Variants in TAF1B observed in about 807,000 individuals in gnomAD.
TAF1B encodes the protein TATA-box binding protein associated factor, RNA polymerase I subunit B, also known as TATA box-binding protein-associated factor RNA polymerase I subunit B.
A neutral mutation model predicts 83.9 loss-of-function variants in TAF1B; 61 were observed. The observed-to-expected ratio is 0.73, with a 90% CI of 0.59 to 0.90. The LOEUF is 0.90. Ranked by LOEUF, TAF1B falls within the 40% of genes least tolerant of loss-of-function variation. TAF1B has a pLI of 0.00. For synonymous variants in TAF1B, 221 were observed against 224.6 expected (o/e 0.98, Z 0.14); for missense variants, 625 against 677.0 (o/e 0.92, Z 0.85).
chr2:9,863,617 T>G (rs1663855835), intron 5 of TAF1B, among the ~76,000 whole-genome samples: 1 of 152,102 alleles, frequency 6.6e-6, no homozygotes, highest in South Asian at 2.1e-4. Flanking sequence ...TCTATAGAAC[T>G]CTCCATCCTA....
intron 5 of TAF1B, among the ~76,000 whole-genome samples, chr2:9,864,163 G>A (rs1663881061): frequency 6.6e-6 from 1 of 152,112 alleles, no homozygotes; most frequent in Non-Finnish European, 1.5e-5. Context: ...CCAGGAGCTG[G>A]TCTTTTGAAA....
At chr2:9,911,988 C>G (rs1292517138) in intron 11 of TAF1B, among the ~76,000 whole-genome samples, 1 of 152,260 alleles carries the variant, frequency 6.6e-6, no homozygotes, top group African/African-American at 2.4e-5. Context: ...CACCACTCTT[C>G]TGTCTGGTCT....
chr2:9,863,849 T>G (rs973872926), intron 5 of TAF1B, among the ~76,000 whole-genome samples: 8 of 152,094 alleles, frequency 5.3e-5, no homozygotes, highest in Non-Finnish European at 1.2e-4. Context: ...GAATGACTAC[T>G]GGGTACATAA....
intron 10 of TAF1B, 103 bp from the exon 11 acceptor site, chr2:9,911,408 A>C: frequency 1.2e-6 from 1 of 844,416 alleles, no homozygotes; most frequent in Non-Finnish European, 1.8e-6. Context: ...ACATGGTATC[A>C]ATTTCAAATA....
At chr2:9,889,775 AT>A (rs1353754187) in intron 8 of TAF1B, among the ~76,000 whole-genome samples, 1 of 152,144 alleles carries the variant, frequency 6.6e-6, no homozygotes, top group Non-Finnish European at 1.5e-5. Context: ...GTGGTTTGTT[AT>A]TAATAGTCCC....
chr2:9,846,312 T>C, intron 2 of TAF1B: 1 of 347,106 alleles, frequency 2.9e-6, no homozygotes, highest in East Asian at 7.7e-5. Context: ...CTAGGTCCTA[T>C]TGTGGTGAAC....
Position 9,854,317 on chromosome 2 carries a change from C to G in TAF1B, c.304-9C>G. On this transcript the variant is annotated splice_polypyrimidine_tract_variant and intron_variant, in intron 4 of 14. Transcript: ENST00000263663. ...GAATCACCCACCACTCATTTCCCTT[C>G]CACCTTAGAACGATGTTTTACATAA... The G allele has an allele frequency of 6.2e-7, 1 of 1,610,938 alleles. No individual in the cohort carries two copies. Among genetic ancestry groups the G allele is most frequent in the Admixed American group, 1.7e-5 (1 of 60,014 alleles).
Position 9,904,027 on chromosome 2 carries a change from A to C in TAF1B, c.808-832A>C, listed in dbSNP as rs114276447. On this transcript the variant is annotated intron_variant, in intron 8 of 14. Coordinates refer to ENST00000263663, the MANE Select transcript of TAF1B (RefSeq NM_005680.3). ...ATTCCAAATTTTATTCAGTAAGTGC[A>C]TATTAGTTTTATCTGTTCCTTTTTC... is the stretch of plus-strand genomic sequence containing the variant. Among the ~76,000 whole-genome samples, 724 of 152,276 alleles carry C rather than the reference A, an allele frequency of 4.8e-3. 4 individuals carry two copies. Among genetic ancestry groups the C allele is most frequent in the African/African-American group, 0.016 (685 of 41,556 alleles).
At chr2:9,877,105 A>G (rs1664342746) in intron 7 of TAF1B, among the ~76,000 whole-genome samples, 1 of 152,200 alleles carries the variant, frequency 6.6e-6, no homozygotes, top group Admixed American at 6.5e-5. Context: ...CTATTAATTT[A>G]AAAACCTGAT....
rs138290155 is a variant in TAF1B at position 9,924,052 on chromosome 2, G to C, written c.1565+4232G>C. On this transcript the variant is annotated intron_variant, in intron 14 of 14. Coordinates refer to ENST00000263663, the MANE Select transcript of TAF1B (RefSeq NM_005680.3). Reference sequence around the variant, plus strand: ...TGAGTTATACATAGAGCTTAGTATAGTCAGCGATGAAACTGCTGAGATTTT... The same window carrying C: ...TGAGTTATACATAGAGCTTAGTATACTCAGCGATGAAACTGCTGAGATTTT... Among the ~76,000 whole-genome samples, 18 of 152,264 alleles carry C rather than the reference G, an allele frequency of 1.2e-4. No individual in the cohort carries two copies. In the East Asian group the frequency reaches 2.7e-3, roughly 23 times the overall value.
chr2:9,889,461 TTTCTC>T (rs1664796819), intron 8 of TAF1B, among the ~76,000 whole-genome samples: 1 of 152,136 alleles, frequency 6.6e-6, no homozygotes, highest in Non-Finnish European at 1.5e-5. Context: ...ATTTCTTCTC[TTTCTC>T]TTCTCATTAT....
At chr2:9,932,205 C>T (rs909830719) in intron 14 of TAF1B, among the ~76,000 whole-genome samples, 6 of 152,206 alleles carry the variant, frequency 3.9e-5, no homozygotes, top group South Asian at 2.1e-4. Flanking sequence ...AGCTTTGTTC[C>T]GTTGCTGGCA....
At chr2:9,919,964 T>C in intron 14 of TAF1B, 144 bp downstream of exon 14, 1 of 763,954 alleles carries the variant, frequency 1.3e-6, no homozygotes, top group Non-Finnish European at 2.1e-6. Context: ...GTAGGAGTTC[T>C]AGGAAAGCTG....
At chr2:9,877,345 T>G (rs902247532) in intron 7 of TAF1B, among the ~76,000 whole-genome samples, 8 of 152,154 alleles carry the variant, frequency 5.3e-5, no homozygotes, top group Non-Finnish European at 1.0e-4. Flanking sequence ...ATCCAGCTCC[T>G]TTTCCAGTGT....
intron 6 of TAF1B, among the ~76,000 whole-genome samples, chr2:9,874,740 T>A (rs1191524313): frequency 1.3e-5 from 2 of 152,148 alleles, no homozygotes; most frequent in African/African-American, 2.4e-5. Context: ...GATACCATAA[T>A]GTCATATGGT....
At chr2:9,866,061 G>A (rs1260226979) in intron 5 of TAF1B, among the ~76,000 whole-genome samples, 89 of 145,276 alleles carry the variant, frequency 6.1e-4, no homozygotes, top group East Asian at 1.0e-3. Context: ...AAAAGCAATG[G>A]CAACAAAAGC....
At chr2:9,858,704 C>T (rs1043076716) in intron 5 of TAF1B, among the ~76,000 whole-genome samples, 7 of 152,380 alleles carry the variant, frequency 4.6e-5, no homozygotes, top group South Asian at 2.1e-4. Context: ...CCCATCGCCA[C>T]GTGGAAGCTG....
rs747847815 is a variant in TAF1B at position 9,910,730 on chromosome 2, C to T, written c.956-6C>T. The T allele has an allele frequency of 1.2e-6, 2 of 1,603,950 alleles. No homozygotes were observed. Among genetic ancestry groups the T allele is most frequent in the East Asian group, 4.5e-5 (2 of 44,688 alleles). ...ATAATTTACATTTTACTGTTTTGTT[C>T]TTCAGATGAAATGCATAGCTTAACT... On this transcript the variant is annotated splice_polypyrimidine_tract_variant and splice_region_variant and intron_variant, in intron 9 of 14. Coordinates refer to ENST00000263663, the MANE Select transcript of TAF1B (RefSeq NM_005680.3).
chr2:9,888,171 A>C (rs188127130), intron 8 of TAF1B, among the ~76,000 whole-genome samples: 1 of 152,046 alleles, frequency 6.6e-6, no homozygotes, highest in Non-Finnish European at 1.5e-5. Flanking sequence ...TACAGTATTC[A>C]TCTTTACCTT....
Sources: gnomAD v4.1 joint callset for allele counts (sites outside exome capture counted in the v4.1 genomes callset) on GRCh38, gnomAD v4.1.1 for gene constraint, MANE v1.5 for transcripts, NCBI Gene and HGNC (gene_info 2026-07-23, HGNC 2026-07-21) for gene names.